The following IMMP2L variants were observed in gnomAD, a reference collection of about 807,000 sequenced individuals.
IMMP2L encodes the protein inner mitochondrial membrane peptidase subunit 2.
A neutral mutation model predicts 19.3 loss-of-function variants in IMMP2L; 18 were observed. The ratio of observed to expected loss-of-function variants is 0.93; its 90% CI spans 0.64 to 1.38. The LOEUF is 1.38. Ranked by LOEUF, IMMP2L falls within the 40% of genes most tolerant of loss-of-function variation. The pLI is 0.00. For missense variants in IMMP2L, 233 were observed against 218.2 expected, an observed-to-expected ratio of 1.07 and a Z score of -0.43; for synonymous variants, 76 against 73.0, an observed-to-expected ratio of 1.04 and a Z score of -0.21.
chr7:111,554,298 A>G (rs949893181), intron 1 of IMMP2L, among the ~76,000 whole-genome samples: 4 of 152,186 alleles, frequency 2.6e-5, no homozygotes, highest in Non-Finnish European at 1.5e-5. Context: ...GTCTATATGT[A>G]AACTGAAACA....
chr7:111,191,729 T>G (rs921215007), intron 3 of IMMP2L, among the ~76,000 whole-genome samples: 1 of 152,066 alleles, frequency 6.6e-6, no homozygotes, highest in African/African-American at 2.4e-5. Flanking sequence ...CAGAAGTTGA[T>G]CTACTCTGAG....
chr7:110,996,380 G>C (rs1823031728), intron 3 of IMMP2L, among the ~76,000 whole-genome samples: 1 of 151,452 alleles, frequency 6.6e-6, no homozygotes, highest in Admixed American at 6.6e-5. Flanking sequence ...AGAACGAGAG[G>C]GGGGTTGGCA....
intron 3 of IMMP2L, among the ~76,000 whole-genome samples, chr7:111,456,540 T>G (rs942699833): frequency 6.6e-6 from 1 of 152,192 alleles, no homozygotes; most frequent in African/African-American, 2.4e-5. Flanking sequence ...TCTTGAACAC[T>G]AAGGTCTTTT....
rs373127250 is a variant in IMMP2L, at chr7:111,016,824, A to AT, written c.240-53260_240-53259insA. Among the ~76,000 whole-genome samples, 8 of 54,106 alleles carry AT rather than the reference A, an allele frequency of 1.5e-4. No homozygotes were observed. The East Asian group carries it at 3.5e-3, about 24-fold the overall frequency. 35.5% of individuals were successfully genotyped at this position (54,106 alleles called of 152,430 possible). On this transcript the variant is annotated intron_variant, in intron 3 of 5. Coordinates refer to ENST00000405709, the MANE Select transcript of IMMP2L (RefSeq NM_032549.4). ...ATAATATATACTATATATTATATAT[A>AT]ATATATAGTATATATTATATATAAT...
chr7:110,888,924 G>C (rs1390240388), intron 4 of IMMP2L, among the ~76,000 whole-genome samples: 1 of 152,118 alleles, frequency 6.6e-6, no homozygotes, highest in Non-Finnish European at 1.5e-5. Flanking sequence ...TTTGTTAAAT[G>C]AATGACCAAA....
At chr7:111,372,367 C>G (rs923693072) in intron 3 of IMMP2L, among the ~76,000 whole-genome samples, 3 of 151,924 alleles carry the variant, frequency 2.0e-5, no homozygotes, top group African/African-American at 7.2e-5. Context: ...CTATAAAATA[C>G]TGGAGCCACA....
At chr7:110,791,858 A>G (rs1480249935) in intron 5 of IMMP2L, among the ~76,000 whole-genome samples, 4 of 151,804 alleles carry the variant, frequency 2.6e-5, no homozygotes, top group Non-Finnish European at 5.9e-5. Flanking sequence ...AAACTCAACT[A>G]TCAGAGAAGT....
At chr7:111,533,206 T>A (rs1847565386) in intron 1 of IMMP2L, among the ~76,000 whole-genome samples, 1 of 152,160 alleles carries the variant, frequency 6.6e-6, no homozygotes, top group Non-Finnish European at 1.5e-5. Context: ...GCACAAAAAG[T>A]CCAGGTATTA....
chr7:111,436,365 C>T (rs1837162349), intron 3 of IMMP2L, among the ~76,000 whole-genome samples: 1 of 151,584 alleles, frequency 6.6e-6, no homozygotes, highest in Non-Finnish European at 1.5e-5. Context: ...ATACACTACA[C>T]TCTAAAAAGG....
At chr7:111,484,885 C>A (rs1334475291) in intron 3 of IMMP2L, among the ~76,000 whole-genome samples, 1 of 152,096 alleles carries the variant, frequency 6.6e-6, no homozygotes, top group African/African-American at 2.4e-5. Context: ...CTCCCAGGCT[C>A]AATCGATCTT....
intron 3 of IMMP2L, among the ~76,000 whole-genome samples, chr7:111,336,199 G>A (rs1204781761): frequency 2.1e-5 from 3 of 143,326 alleles, no homozygotes; most frequent in East Asian, 2.2e-4. Context: ...GGTGTGTGCC[G>A]CCAGGCCGGC....
chr7:111,006,108 T>A (rs550918063), intron 3 of IMMP2L, among the ~76,000 whole-genome samples: 1 of 152,314 alleles, frequency 6.6e-6, no homozygotes, highest in African/African-American at 2.4e-5. Context: ...TAGCGTAAAT[T>A]ATGCTTACAT....
intron 3 of IMMP2L, among the ~76,000 whole-genome samples, chr7:111,242,364 T>C (rs1815187084): frequency 6.6e-6 from 1 of 152,118 alleles, no homozygotes; most frequent in Admixed American, 6.6e-5. Flanking sequence ...AATTTGTTTG[T>C]GGAATTGCAG....
intron 3 of IMMP2L, among the ~76,000 whole-genome samples, chr7:111,204,814 C>T (rs570183357): frequency 2.6e-5 from 4 of 152,284 alleles, no homozygotes; most frequent in African/African-American, 9.6e-5. Flanking sequence ...GTCTACAATT[C>T]AAACTGCTTT....
intron 3 of IMMP2L, among the ~76,000 whole-genome samples, chr7:111,126,389 G>T (rs1379594925): frequency 6.6e-6 from 1 of 151,988 alleles, no homozygotes; most frequent in Non-Finnish European, 1.5e-5. Flanking sequence ...CTTTTATTTA[G>T]CTCACTCCAA....
chr7:111,492,952 TG>T (rs1032674531), intron 2 of IMMP2L, among the ~76,000 whole-genome samples: 1 of 152,124 alleles, frequency 6.6e-6, no homozygotes, highest in Non-Finnish European at 1.5e-5. Context: ...TCCACTCAGG[TG>T]TAAGTTTCTC....
intron 5 of IMMP2L, among the ~76,000 whole-genome samples, chr7:110,815,390 G>T (rs1384910722): frequency 2.6e-5 from 4 of 151,940 alleles, no homozygotes; most frequent in Middle Eastern, 3.2e-3. Flanking sequence ...GAGGATTTTT[G>T]CATCAATGTT....
intron 3 of IMMP2L, among the ~76,000 whole-genome samples, chr7:111,210,916 T>C (rs2095401938): frequency 6.6e-6 from 1 of 151,860 alleles, no homozygotes; most frequent in Admixed American, 6.6e-5. Context: ...GATAAGGCCT[T>C]TGGCTTTACC....
At position 111,152,394 on chromosome 7, in the gene IMMP2L, C is replaced by T. The variant is rs150490064; in HGVS notation, c.240-188829G>A. ...TCCTCAATTCACCAACAGTATAGTA[C>T]TCCCTTTTCCCACTGAATCCTGAAA... On this transcript the variant is annotated intron_variant, in intron 3 of 5. Transcript: ENST00000405709. 2.6e-3 allele frequency among the ~76,000 whole-genome samples: 394 copies of T among 152,192 alleles called. 1 individual carries two copies. Among genetic ancestry groups the T allele is most frequent in the Non-Finnish European group, 4.1e-3 (281 of 68,002 alleles).
Sources: allele counts gnomAD v4.1 joint callset (sites outside exome capture counted in the v4.1 genomes callset), GRCh38; gene constraint gnomAD v4.1.1; transcripts MANE v1.5; gene names NCBI Gene and HGNC (gene_info 2026-07-23, HGNC 2026-07-21).